The following SLC35A3 variants were observed in gnomAD, a reference collection of about 807,000 sequenced individuals.
SLC35A3 encodes the protein solute carrier family 35 member A3, also known as UDP-N-acetylglucosamine transporter.
Under a neutral mutation model 39.0 loss-of-function variants are expected in SLC35A3, and 26 were observed. The observed-to-expected ratio is 0.67, with a 90% CI of 0.49 to 0.92. The LOEUF is 0.92. SLC35A3 is among the 40% of genes least tolerant of loss of function. SLC35A3 has a pLI of 0.00. For missense variants in SLC35A3, 299 were observed against 371.6 expected (o/e 0.80, Z 1.61); for synonymous variants, 135 against 133.1 (o/e 1.01, Z -0.10).
At chr1:99,982,746 A>G (rs1657530748) in intron 1 of SLC35A3, among the ~76,000 whole-genome samples, 1 of 152,220 alleles carries the variant, frequency 6.6e-6, no homozygotes. Flanking sequence ...ATCCAAACTC[A>G]TTAAATCCAA....
At chr1:99,997,563 A>G (rs553859431) in intron 2 of SLC35A3, among the ~76,000 whole-genome samples, 1 of 145,878 alleles carries the variant, frequency 6.9e-6, no homozygotes, top group Non-Finnish European at 1.5e-5. Context: ...TATATATTAT[A>G]TATTTATTTA....
chr1:100,000,316 T>C (rs1421126699), intron 3 of SLC35A3, among the ~76,000 whole-genome samples: 1 of 152,212 alleles, frequency 6.6e-6, no homozygotes, highest in Non-Finnish European at 1.5e-5. Context: ...TGATTTGCGT[T>C]TCCCTGATGA....
At chr1:100,004,066 T>C (rs114910418) in intron 3 of SLC35A3, among the ~76,000 whole-genome samples, 2,045 of 152,362 alleles carry the variant, frequency 0.013, 18 homozygotes, top group Middle Eastern at 0.058. Flanking sequence ...TTAAATCCAT[T>C]TTGCCAGTCC....
At chr1:99,974,726 C>T (rs1428233218) in intron 1 of SLC35A3, among the ~76,000 whole-genome samples, 1 of 152,152 alleles carries the variant, frequency 6.6e-6, no homozygotes, top group South Asian at 2.1e-4. Flanking sequence ...ACAAGCCATA[C>T]ACTTAATATC....
At chr1:100,010,662 C>T (rs1393780834) in intron 4 of SLC35A3, among the ~76,000 whole-genome samples, 1 of 152,040 alleles carries the variant, frequency 6.6e-6, no homozygotes, top group Non-Finnish European at 1.5e-5. Context: ...GCACTCCAGC[C>T]TGGGTGACAA....
chr1:99,976,078 C>T (rs371872661), intron 1 of SLC35A3, among the ~76,000 whole-genome samples: 2 of 151,842 alleles, frequency 1.3e-5, no homozygotes, highest in Admixed American at 1.3e-4. Context: ...TCCAAAAAAA[C>T]CCCAAAAATA....
chr1:99,983,798 T>G (rs903050221), intron 1 of SLC35A3, among the ~76,000 whole-genome samples: 1 of 151,888 alleles, frequency 6.6e-6, no homozygotes, highest in Non-Finnish European at 1.5e-5. Context: ...AATTTTTGTA[T>G]GTTTAGCAGA....
At position 100,024,428 on chromosome 1, in the gene SLC35A3, G is replaced by T. The variant is rs1425279932; in HGVS notation, c.*1952G>T. The T allele has an allele frequency of 6.6e-6, 1 of 151,426 alleles. No homozygotes were observed. Among genetic ancestry groups the T allele is most frequent in the East Asian group, 2.0e-4 (1 of 4,960 alleles). 9.4% of individuals were successfully genotyped at this position (151,426 alleles called of 1,614,324 possible). A position where few individuals can be genotyped will look rare whatever the true frequency, so the allele number is the denominator to read the frequency against. On this transcript the variant is annotated 3_prime_UTR_variant, in exon 8 of 8. Coordinates refer to ENST00000533028, the MANE Select transcript of SLC35A3 (RefSeq NM_012243.3). ...TAGCTGGGCATGGTGGTGCGCGCCT[G>T]TAGTCCCAGCTACTCAGGAGGCTGA...
chr1:99,971,185 G>A (rs964814861), intron 1 of SLC35A3, among the ~76,000 whole-genome samples: 4 of 151,922 alleles, frequency 2.6e-5, no homozygotes, highest in Non-Finnish European at 4.4e-5. Context: ...ACTCTCGATC[G>A]GCTTCAGAAT....
chr1:100,007,048 A>G lies in SLC35A3; in HGVS notation c.357A>G (p.Leu119=), dbSNP rs534252. The G allele has an allele frequency of 0.16, 249,449 of 1,603,884 alleles. 23,288 individuals carry two copies. Among genetic ancestry groups the G allele is most frequent in the African/African-American group, 0.44 (32,587 of 74,374 alleles). The change falls in exon 4 of 8, where the codon TTA becomes TTG. Residue 119 remains leucine, a synonymous_variant. Transcript: ENST00000533028. ...TTCTTTTTCAGGTCACGTATCAGTTAAAAATTCTTACAACAGCATTATTTT... is the reference window on the plus strand; with the variant it reads ...TTCTTTTTCAGGTCACGTATCAGTTGAAAATTCTTACAACAGCATTATTTT... ...DAATYQVTYQ[L]KILTTALFSV...
intron 3 of SLC35A3, chr1:100,000,885 A>G (rs1041751036): frequency 1.3e-5 from 2 of 148,604 alleles, no homozygotes; most frequent in Non-Finnish European, 3.0e-5. Flanking sequence ...TTTTTTTTTT[A>G]TATGGTGAGA....
intron 4 of SLC35A3, among the ~76,000 whole-genome samples, chr1:100,009,760 G>A (rs1033829348): frequency 2.6e-5 from 4 of 152,194 alleles, no homozygotes; most frequent in Non-Finnish European, 4.4e-5. Flanking sequence ...TGGAGAGCAA[G>A]GAGATTAAGA....
intron 1 of SLC35A3, chr1:99,974,956 T>G (rs1657026750): frequency 6.6e-6 from 1 of 152,174 alleles, no homozygotes; most frequent in Non-Finnish European, 1.5e-5. Flanking sequence ...TTGTCTTTTT[T>G]TTTTTTTGAG....
intron 6 of SLC35A3, among the ~76,000 whole-genome samples, chr1:100,016,720 G>T (rs532698470): frequency 3.6e-4 from 55 of 152,048 alleles, no homozygotes; most frequent in Non-Finnish European, 5.1e-4. Flanking sequence ...AAAGATAAGT[G>T]AAAATTTTAA....
intron 1 of SLC35A3, among the ~76,000 whole-genome samples, chr1:99,986,196 A>T: frequency 7.0e-6 from 1 of 142,066 alleles, no homozygotes. Flanking sequence ...ACAGGGTCTC[A>T]CTCTGTTGCT....
rs1661017446 is a variant in SLC35A3 at position 100,028,164 on chromosome 1, C to G, written c.*5688C>G. The G allele has an allele frequency of 6.6e-6, 1 of 152,252 alleles. No homozygotes were observed. The highest frequency in any genetic ancestry group is 2.4e-5 in the African/African-American group (1 of 41,402). The allele number at this position is 152,252 out of a possible 1,614,324, so 9.4% of individuals were successfully genotyped here. Reference sequence around the variant, plus strand: ...ATGTTGGCCAGGCTGGTCTCAAACTCCTGACCTCAGGTGATCCGCCTGCCT... The same window carrying G: ...ATGTTGGCCAGGCTGGTCTCAAACTGCTGACCTCAGGTGATCCGCCTGCCT... On this transcript the variant is annotated 3_prime_UTR_variant, in exon 8 of 8. Coordinates refer to ENST00000533028, the MANE Select transcript of SLC35A3 (RefSeq NM_012243.3).
At position 100,033,847 on chromosome 1, in the gene SLC35A3, T is replaced by C. The variant is rs1661373498; in HGVS notation, c.*11371T>C. ...TTAATTAAAATTTTAAAAAAGTATATTTAATAACCTACTGATACTTACCTG... is the reference window on the plus strand; with the variant it reads ...TTAATTAAAATTTTAAAAAAGTATACTTAATAACCTACTGATACTTACCTG... On this transcript the variant is annotated 3_prime_UTR_variant, in exon 8 of 8. Coordinates refer to ENST00000533028, the MANE Select transcript of SLC35A3 (RefSeq NM_012243.3). 1 of 152,186 alleles carries C rather than the reference T, an allele frequency of 6.6e-6. No homozygotes were observed. Among genetic ancestry groups the C allele is most frequent in the Admixed American group, 6.5e-5 (1 of 15,276 alleles). 9.4% of individuals were successfully genotyped at this position (152,186 alleles called of 1,614,324 possible).
At chr1:99,970,319 A>G (rs1489423269) in intron 1 of SLC35A3, 157 bp downstream of exon 1, 1 of 525,458 alleles carries the variant, frequency 1.9e-6, no homozygotes. Flanking sequence ...GACCTGAAAT[A>G]CAGTGCTAGC....
intron 1 of SLC35A3, among the ~76,000 whole-genome samples, chr1:99,988,082 C>T (rs1657853026): frequency 6.6e-6 from 1 of 152,168 alleles, no homozygotes; most frequent in African/African-American, 2.4e-5. Context: ...ACAAAATCCA[C>T]AATTCAGTGA....
Sources: gnomAD v4.1 joint callset for allele counts (sites outside exome capture counted in the v4.1 genomes callset) on GRCh38, gnomAD v4.1.1 for gene constraint, MANE v1.5 for transcripts, NCBI Gene and HGNC (gene_info 2026-07-23, HGNC 2026-07-21) for gene names.